Variants in PACS2 observed in about 807,000 individuals in gnomAD.
PACS2 encodes PACS1-like protein.
A neutral mutation model predicts 113.0 loss-of-function variants in PACS2; 36 were observed. The observed-to-expected ratio is 0.32, with a 90% CI of 0.24 to 0.42. PACS2 has a LOEUF of 0.42. Ranked by LOEUF, PACS2 falls within the 10% of genes least tolerant of loss-of-function variation. The probability of loss-of-function intolerance (pLI) is 1.00; values close to 1 mark genes in which losing one functional copy is unlikely to be tolerated. For synonymous variants in PACS2, 589 were observed against 536.1 expected (o/e 1.10, Z -1.36); for missense variants, 1,015 against 1,239.5 (o/e 0.82, Z 2.72).
At position 105,318,933 on chromosome 14, in the gene PACS2, T is replaced by C. The variant is rs191411694; in HGVS notation, c.119+3896T>C. The stretch of plus-strand genomic sequence containing the variant: ...CCTCAGCCTCCCAAAGTGTTGGGAT[T>C]ACAGGCGTGAGCCACCACGCCCTGC... On this transcript the variant is annotated intron_variant, in intron 1 of 24. Coordinates refer to ENST00000447393, the MANE Select transcript of PACS2 (RefSeq NM_001100913.3). Among the ~76,000 whole-genome samples the C allele has an allele frequency of 4.6e-5, 7 of 151,918 alleles. No individual in the cohort carries two copies. The East Asian group carries it at 1.4e-3, about 29-fold the overall frequency.
intron 8 of PACS2, chr14:105,371,021 A>G (rs907867990): frequency 4.6e-5 from 7 of 152,276 alleles, no homozygotes; most frequent in African/African-American, 1.7e-4. Flanking sequence ...CTCGGGATGC[A>G]TCCAGCTCAG....
intron 12 of PACS2, 122 bp from the exon 13 acceptor site, chr14:105,381,792 C>A: frequency 1.1e-6 from 1 of 883,446 alleles, no homozygotes; most frequent in Non-Finnish European, 1.7e-6. Context: ...CATCAGTCAG[C>A]CCTGTGCTCA....
At chr14:105,367,405 C>T (rs782217335) in intron 5 of PACS2, 30 bp downstream of exon 5, 49 of 1,603,524 alleles carry the variant, frequency 3.1e-5, no homozygotes, top group Non-Finnish European at 4.1e-5. Flanking sequence ...GCTCCTGCCC[C>T]TGCTGTGGGG....
intron 17 of PACS2, 36 bp downstream of exon 17, chr14:105,384,499 CGGGA>C (rs782474454): frequency 7.0e-7 from 1 of 1,435,772 alleles, no homozygotes; most frequent in Non-Finnish European, 9.7e-7. Flanking sequence ...CACGCCACGG[CGGGA>C]GGAAGGGGCC....
At chr14:105,380,872 C>T in intron 11 of PACS2, 85 bp from the exon 12 acceptor site, 1 of 1,370,020 alleles carries the variant, frequency 7.3e-7, no homozygotes, top group African/African-American at 1.4e-5. Context: ...TAAACCCTCA[C>T]CCGAGCCAGA....
chr14:105,336,971 T>TGGACGCAGCCTGTATCCATCCTC (rs1555400662), intron 1 of PACS2, among the ~76,000 whole-genome samples: 2 of 152,210 alleles, frequency 1.3e-5, no homozygotes, highest in Non-Finnish European at 2.9e-5. Flanking sequence ...GACTGCGTGA[T>TGGACGCAGCCTGTATCCATCCTC]GGACGCAGCC....
At position 105,376,734 on chromosome 14, in the gene PACS2, G is replaced by A; in HGVS notation, c.802-34G>A. 2 of 1,604,154 alleles carry A rather than the reference G, an allele frequency of 1.2e-6. No individual in the cohort carries two copies. Among genetic ancestry groups the A allele is most frequent in the Non-Finnish European group, 1.7e-6 (2 of 1,174,012 alleles). On this transcript the variant is annotated intron_variant, in intron 8 of 24. Coordinates refer to ENST00000447393, the MANE Select transcript of PACS2 (RefSeq NM_001100913.3). This position sits in a 1 kb window ranked among gnomAD's most constrained non-coding sequence, Gnocchi z 4.7. Reference sequence around the variant, plus strand: ...CCCCAGTGGGGCAATGTGGGCTGCTGCAGGGAACTCACGCGTGCCTGGCAC... The same window carrying A: ...CCCCAGTGGGGCAATGTGGGCTGCTACAGGGAACTCACGCGTGCCTGGCAC...
At chr14:105,303,838 C>A (rs1047979874) in intron 1 of PACS2, among the ~76,000 whole-genome samples, 3 of 152,198 alleles carry the variant, frequency 2.0e-5, no homozygotes, top group Non-Finnish European at 2.9e-5. Context: ...GATGACATTT[C>A]ATCCTTATGG....
chr14:105,343,072 G>GC (rs2059794233), intron 1 of PACS2, among the ~76,000 whole-genome samples: 1 of 152,022 alleles, frequency 6.6e-6, no homozygotes, highest in East Asian at 1.9e-4. Flanking sequence ...ACAGTCCCCA[G>GC]CAGCCACCCT....
rs181273780 is a variant in PACS2, at chr14:105,323,448, G to A, written c.119+8411G>A. 3.3e-5 allele frequency among the ~76,000 whole-genome samples: 5 copies of A among 152,330 alleles called. No individual in the cohort carries two copies. The East Asian group carries it at 7.7e-4, about 23-fold the overall frequency. ...CCTACTGACCGCTGCCAGCCTGCAC[G>A]AGACTCTCACGGCGGGACCCTGTCT... is the stretch of plus-strand genomic sequence containing the variant. On this transcript the variant is annotated intron_variant, in intron 1 of 24. Coordinates refer to ENST00000447393, the MANE Select transcript of PACS2 (RefSeq NM_001100913.3). The surrounding 1 kb of genome is among the most constrained non-coding windows in gnomAD (Gnocchi z 4.1).
In PACS2 at chr14:105,392,792, C is replaced by A. The variant is rs781798642; in HGVS notation, c.2429C>A (p.Ala810Glu). The part of the protein sequence containing the change: ...VSRLPSSGEA[A>E]ATPTMSMTVV... Reference sequence around the variant, plus strand: ...AGGCTGCCCAGCAGCGGCGAGGCTGCAGCCACGCCCACCATGTCCATGACC... The same window carrying A: ...AGGCTGCCCAGCAGCGGCGAGGCTGAAGCCACGCCCACCATGTCCATGACC... Residue 810 changes from alanine (A) to glutamate (E), a missense_variant, in exon 23 of 25, where the codon GCA (alanine) becomes GAA (glutamate). This residue lies in a region of PACS2 where 859 missense variants were observed against 1,056.8 expected (regional missense o/e 0.81). Coordinates refer to ENST00000447393, the MANE Select transcript of PACS2 (RefSeq NM_001100913.3). 3 of 1,609,794 alleles carry A rather than the reference C, an allele frequency of 1.9e-6. No homozygotes were observed. The highest frequency in any genetic ancestry group is 2.5e-6 in the Non-Finnish European group (3 of 1,179,950).
intron 8 of PACS2, 68 bp downstream of exon 8, chr14:105,369,968 C>G: frequency 7.3e-7 from 1 of 1,362,194 alleles, no homozygotes; most frequent in Non-Finnish European, 1.0e-6. Context: ...GAGGAGGCCT[C>G]TGGGGTCTGT....
chr14:105,372,365 C>G (rs587716995), intron 8 of PACS2: 88 of 152,202 alleles, frequency 5.8e-4, no homozygotes, highest in African/African-American at 2.0e-3. Flanking sequence ...TATCTTTTCG[C>G]AAAAAAACTG....
chr14:105,379,796 C>T lies in PACS2; in HGVS notation c.1017C>T (p.His339=), dbSNP rs1555411444. Residue 339 remains histidine, a synonymous_variant, in exon 10 of 25, where the codon CAC becomes CAT. Coordinates refer to ENST00000447393, the MANE Select transcript of PACS2 (RefSeq NM_001100913.3). The part of the protein sequence containing the change: ...SSSQTEIGSI[H]SARSHKEPPS... ...CGCAGACGGAGATTGGGAGCATCCA[C>T]AGCGCCCGCAGCCACAAGGAGCCCC... is the stretch of plus-strand genomic sequence containing the variant. 1.2e-6 allele frequency: 2 copies of T among 1,613,460 alleles called. No homozygotes were observed. The highest frequency in any genetic ancestry group is 1.1e-5 in the South Asian group (1 of 91,086).
At position 105,356,604 on chromosome 14, in the gene PACS2, G is replaced by C. The variant is rs1555405346; in HGVS notation, c.423+1427G>C. On this transcript the variant is annotated intron_variant, in intron 4 of 24. Transcript: ENST00000447393. The surrounding 1 kb of genome is among the most constrained non-coding windows in gnomAD (Gnocchi z 4.0). Reference sequence around the variant, plus strand: ...TGGGAGCCACCGCTTGCTTCCTGTGGAGCAGGAGGGTCCAGGCACTGTGGG... The same window carrying C: ...TGGGAGCCACCGCTTGCTTCCTGTGCAGCAGGAGGGTCCAGGCACTGTGGG... Among the ~76,000 whole-genome samples, 1 of 152,182 alleles carries C rather than the reference G, an allele frequency of 6.6e-6. No homozygotes were observed. Among genetic ancestry groups the C allele is most frequent in the African/African-American group, 2.4e-5 (1 of 41,432 alleles).
chr14:105,324,586 G>A lies in PACS2; in HGVS notation c.119+9549G>A, dbSNP rs889705000. 1.3e-5 allele frequency among the ~76,000 whole-genome samples: 2 copies of A among 152,186 alleles called. No homozygotes were observed. The highest frequency in any genetic ancestry group is 4.8e-5 in the African/African-American group (2 of 41,454). On this transcript the variant is annotated intron_variant, in intron 1 of 24. Transcript: ENST00000447393. The surrounding 1 kb of genome is among the most constrained non-coding windows in gnomAD (Gnocchi z 4.7). ...GGCCGTCCCTTTCTGCTCCGCAGGC[G>A]CGCGCCGATGTGTGCTCAGCTCAGG...
chr14:105,362,182 G>T (rs1459426761), intron 4 of PACS2, among the ~76,000 whole-genome samples: 2 of 151,924 alleles, frequency 1.3e-5, no homozygotes, highest in Non-Finnish European at 2.9e-5. Flanking sequence ...ACTTTGGGAG[G>T]CCACGGTGGG....
rs185157066 is a variant in PACS2 at position 105,392,416 on chromosome 14, C to T, written c.2256-203C>T. On this transcript the variant is annotated intron_variant, in intron 22 of 24. Coordinates refer to ENST00000447393, the MANE Select transcript of PACS2 (RefSeq NM_001100913.3). ...GCCGAGGCTCTCCTGTCGCCAGGGT[C>T]CCTGTAATTTAAGCAGGACCCTTGT... is the stretch of plus-strand genomic sequence containing the variant. 1.0e-4 allele frequency: 60 copies of T among 589,916 alleles called. No homozygotes were observed. In the African/African-American group the frequency reaches 1.1e-3, roughly 10 times the overall value. 36.5% of individuals were successfully genotyped at this position (589,916 alleles called of 1,614,324 possible).
At position 105,380,144 on chromosome 14, in the gene PACS2, C is replaced by T. The variant is rs1555411570; in HGVS notation, c.1115C>T (p.Thr372Met). ...CAGCCGAGCGACAGTGTCTCTGACA[C>T]GGTGGCCCTCGTAAGCAGGCTTGGG... ...GRQPSDSVSD[T>M]VALGVPGPRE... The change falls in exon 11 of 25, where the codon ACG (threonine) becomes ATG (methionine). Residue 372 changes from threonine to methionine, a missense_variant. Around this residue, in one of 3 missense-constraint regions of PACS2, gnomAD observed 859 missense variants for 1,056.8 expected, o/e 0.81. Transcript: ENST00000447393. The T allele has an allele frequency of 1.1e-5, 17 of 1,551,662 alleles. No homozygotes were observed. Among genetic ancestry groups the T allele is most frequent in the East Asian group, 2.4e-5 (1 of 41,114 alleles).
Sources: allele counts gnomAD v4.1 joint callset (sites outside exome capture counted in the v4.1 genomes callset), GRCh38; gene constraint gnomAD v4.1.1; regional missense constraint gnomAD v4.1.1; non-coding constraint Gnocchi (gnomAD v3.1); transcripts MANE v1.5; gene names NCBI Gene and HGNC (gene_info 2026-07-23, HGNC 2026-07-21).